The following SMC2 variants were observed in gnomAD, a reference collection of about 807,000 sequenced individuals.
The protein encoded by SMC2 is structural maintenance of chromosomes 2, also known as structural maintenance of chromosomes protein 2.
In SMC2, 41 loss-of-function variants were observed where a neutral mutation model predicts 142.6. The ratio of observed to expected loss-of-function variants is 0.29; its 90% CI spans 0.22 to 0.37. The LOEUF is 0.37. SMC2 is among the 10% of genes least tolerant of loss of function. The pLI is 1.00. For missense variants in SMC2, 1,265 were observed against 1,373.7 expected (o/e 0.92, Z 1.25); for synonymous variants, 463 against 457.5 (o/e 1.01, Z -0.15).
At chr9:104,106,689 G>C (rs1749447857) in intron 9 of SMC2, among the ~76,000 whole-genome samples, 2 of 152,018 alleles carry the variant, frequency 1.3e-5, no homozygotes, top group African/African-American at 4.8e-5. Flanking sequence ...CACCGCGCCT[G>C]GTCCACATAG....
Position 104,126,647 on chromosome 9 carries a change from G to C in SMC2, c.2458G>C (p.Glu820Gln), listed in dbSNP as rs1343883650. The C allele has an allele frequency of 6.2e-7, 1 of 1,605,178 alleles. No homozygotes were observed. Among genetic ancestry groups the C allele is most frequent in the Non-Finnish European group, 8.5e-7 (1 of 1,178,016 alleles). The change falls in exon 19 of 25, where the codon GAA becomes CAA. Residue 820 changes from glutamate (E) to glutamine (Q), a missense_variant. Glu to Gln is a conservative substitution (Grantham distance 29). Coordinates refer to ENST00000374793, the MANE Select transcript of SMC2 (RefSeq NM_006444.3). ...AATACTGTATTTTTTATAGGAAGTTGAAGCTATCACTCTGGAACTGGAAGA... is the reference window on the plus strand; with the variant it reads ...AATACTGTATTTTTTATAGGAAGTTCAAGCTATCACTCTGGAACTGGAAGA... Reference protein sequence around the residue: ...KKMKEKQQEVEAITLELEELK... With the variant: ...KKMKEKQQEVQAITLELEELK...
chr9:104,102,260 CTA>C (rs771898197), intron 8 of SMC2, 67 bp downstream of exon 8: 19 of 1,073,986 alleles, frequency 1.8e-5, no homozygotes, highest in Non-Finnish European at 2.4e-5. Flanking sequence ...TATATAGTAA[CTA>C]TTTAGGATTC....
intron 3 of SMC2, 141 bp from the exon 4 acceptor site, chr9:104,098,305 A>T: frequency 1.6e-6 from 1 of 611,834 alleles, no homozygotes; most frequent in Non-Finnish European, 2.6e-6. Context: ...ACCATGTCAT[A>T]CTTGTTCCAC....
At chr9:104,093,896 C>G (rs1178116242), upstream of SMC2, among the ~76,000 whole-genome samples, 1 of 152,210 alleles carries the variant, frequency 6.6e-6, no homozygotes, top group Non-Finnish European at 1.5e-5. Context: ...ACAGAACCGA[C>G]GAGAACACTC....
intron 22 of SMC2, 67 bp downstream of exon 22, chr9:104,132,192 C>G (rs1332850243): frequency 1.2e-6 from 1 of 812,950 alleles, no homozygotes; most frequent in Non-Finnish European, 2.0e-6. Flanking sequence ...GAGTTATACT[C>G]TATAAGAAAT....
chr9:104,140,336 C>T lies in SMC2; in HGVS notation c.*1021C>T, dbSNP rs927646920. ...TTCCTTTAGAACTTGAAAGATGACA[C>T]TAGCGAACACCATGAGAATACTGTC... On this transcript the variant is annotated 3_prime_UTR_variant, in exon 25 of 25. Transcript: ENST00000374793. The T allele has an allele frequency of 2.0e-5, 3 of 152,248 alleles. No homozygotes were observed. The highest frequency in any genetic ancestry group is 2.9e-5 in the Non-Finnish European group (2 of 67,994). The allele number at this position is 152,248 out of a possible 1,614,324, so 9.4% of individuals were successfully genotyped here. A position where few individuals can be genotyped will look rare whatever the true frequency, so the allele number is the denominator to read the frequency against.
chr9:104,102,230 G>C (rs933275735), intron 8 of SMC2, 37 bp downstream of exon 8: 2 of 1,256,894 alleles, frequency 1.6e-6, no homozygotes, highest in African/African-American at 1.5e-5. Context: ...AATATACTCT[G>C]TGAAAAACGT....
chr9:104,116,899 A>C (rs1564093983), intron 14 of SMC2, among the ~76,000 whole-genome samples: 1 of 152,330 alleles, frequency 6.6e-6, no homozygotes, highest in East Asian at 1.9e-4. Flanking sequence ...GTAGTTGTGT[A>C]ATACTGTAAA....
At chr9:104,134,310 A>G (rs1007730560) in intron 22 of SMC2, 105 bp from the exon 23 acceptor site, 1 of 711,134 alleles carries the variant, frequency 1.4e-6, no homozygotes, top group African/African-American at 1.8e-5. Context: ...CCTGAGTTAG[A>G]GTAATAGACA....
chr9:104,094,725 A>C, intron 1 of SMC2: 1 of 314,322 alleles, frequency 3.2e-6, no homozygotes. Context: ...AGAATATGAG[A>C]TACATCTCAT....
intron 23 of SMC2, among the ~76,000 whole-genome samples, chr9:104,137,096 C>T (rs1303760556): frequency 6.6e-6 from 1 of 151,894 alleles, no homozygotes; most frequent in South Asian, 2.1e-4. Context: ...TGCAGTGAAC[C>T]GAGATTGTGC....
intron 7 of SMC2, among the ~76,000 whole-genome samples, chr9:104,101,067 A>C (rs1245572175): frequency 6.6e-6 from 1 of 152,092 alleles, no homozygotes; most frequent in East Asian, 1.9e-4. Flanking sequence ...CCTTCTGAGT[A>C]GCTGGGACTA....
chr9:104,127,176 C>G (rs963684866), intron 19 of SMC2, 110 bp from the exon 20 acceptor site: 13 of 756,476 alleles, frequency 1.7e-5, no homozygotes, highest in Non-Finnish European at 2.7e-5. Flanking sequence ...ATCTCTCTGC[C>G]TGTAATCACA....
At chr9:104,102,639 TTATC>T in intron 9 of SMC2, 66 bp downstream of exon 9, 1 of 1,437,500 alleles carries the variant, frequency 7.0e-7, no homozygotes, top group Non-Finnish European at 9.3e-7. Flanking sequence ...TAGTGTACAT[TTATC>T]TATTCCATGA....
chr9:104,129,589 TACATATTG>T, intron 20 of SMC2, 48 bp from the exon 21 acceptor site: 1 of 1,318,702 alleles, frequency 7.6e-7, no homozygotes, highest in South Asian at 1.2e-5. Context: ...AACTGGCTTA[TACATATTG>T]GTTTGTAAAC....
Position 104,127,385 on chromosome 9 carries a change from C to A in SMC2, c.2695C>A (p.His899Asn). ...AGCTAAATATGCAGAAGTGGCAAAA[C>A]ACAAGGAGCAAAACAATGATTCTCA... Reference protein sequence around the residue: ...IKAKYAEVAKHKEQNNDSQLK... With the variant: ...IKAKYAEVAKNKEQNNDSQLK... Residue 899 changes from histidine (H) to asparagine (N), a missense_variant, in exon 20 of 25, where the codon CAC becomes AAC. By Grantham distance (68) the His-to-Asn change is moderately conservative. This residue lies in a region of SMC2 where 898 missense variants were observed against 904.2 expected (regional missense o/e 0.99). Coordinates refer to ENST00000374793, the MANE Select transcript of SMC2 (RefSeq NM_006444.3). 3 of 1,613,740 alleles carry A rather than the reference C, an allele frequency of 1.9e-6. No homozygotes were observed. The highest frequency in any genetic ancestry group is 2.5e-6 in the Non-Finnish European group (3 of 1,179,788).
At chr9:104,107,402 A>G (rs748900597) in intron 9 of SMC2, among the ~76,000 whole-genome samples, 1 of 152,208 alleles carries the variant, frequency 6.6e-6, no homozygotes, top group Non-Finnish European at 1.5e-5. Context: ...GACTGCAGTC[A>G]GCATGCATGG....
upstream of SMC2, among the ~76,000 whole-genome samples, chr9:104,090,124 G>C (rs1363078081): frequency 6.6e-6 from 1 of 152,136 alleles, no homozygotes; most frequent in Non-Finnish European, 1.5e-5. Context: ...CAACATGGTC[G>C]ACTGAGCTTT....
At position 104,098,583 on chromosome 9, in the gene SMC2, G is replaced by T; in HGVS notation, c.441+15G>T. ...TCATCATGCAGGTATTTCGTTTGAGGTCTTTATATCACTTTCGTAATAGTT... is the reference window on the plus strand; with the variant it reads ...TCATCATGCAGGTATTTCGTTTGAGTTCTTTATATCACTTTCGTAATAGTT... On this transcript the variant is annotated intron_variant, in intron 4 of 24. Transcript: ENST00000374793. 2 of 1,578,260 alleles carry T rather than the reference G, an allele frequency of 1.3e-6. No homozygotes were observed. Among genetic ancestry groups the T allele is most frequent in the Admixed American group, 1.9e-5 (1 of 51,812 alleles).
Sources: gnomAD v4.1 joint callset for allele counts (sites outside exome capture counted in the v4.1 genomes callset) on GRCh38, gnomAD v4.1.1 for gene constraint, gnomAD v4.1.1 regional missense constraint, MANE v1.5 for transcripts, NCBI Gene and HGNC (gene_info 2026-07-23, HGNC 2026-07-21) for gene names.